P2RX4: variants seen among roughly 807,000 people sequenced by gnomAD.
P2RX4 encodes the protein purinergic receptor P2X 4, also known as P2X purinoceptor 4.
A neutral mutation model predicts 48.0 loss-of-function variants in P2RX4; 37 were observed. The ratio of observed to expected loss-of-function variants is 0.77; its 90% CI spans 0.59 to 1.01. The LOEUF (loss-of-function observed/expected upper bound fraction) is 1.01, where lower values mean the gene tolerates loss of function less well. Among genes scored for constraint, P2RX4 ranks in the 50% least tolerant of loss-of-function variants. The pLI, the probability that P2RX4 is intolerant of heterozygous loss-of-function variation, is 0.00. For missense variants in P2RX4, 501 were observed against 521.4 expected, an observed-to-expected ratio of 0.96 and a Z score of 0.38; for synonymous variants, 200 against 199.7, an observed-to-expected ratio of 1.00 and a Z score of -0.01.
rs1218590202 is a variant in P2RX4 at position 121,233,768 on chromosome 12, A to G, written c.*219A>G. ...CAGCAGTCTGTTCTTGGCTGGGTCA[A>G]CTCTGCTTTTCCCGCAACCTGGGGT... On this transcript the variant is annotated 3_prime_UTR_variant, in exon 12 of 12. Coordinates refer to ENST00000337233, the MANE Select transcript of P2RX4 (RefSeq NM_002560.3). The G allele has an allele frequency of 2.6e-6, 3 of 1,167,188 alleles. No individual in the cohort carries two copies. Among genetic ancestry groups the G allele is most frequent in the Admixed American group, 2.8e-5 (1 of 35,988 alleles). 72.3% of individuals were successfully genotyped at this position (1,167,188 alleles called of 1,614,324 possible).
Position 121,232,892 on chromosome 12 carries a change from A to G in P2RX4, c.1045-105A>G. On this transcript the variant is annotated intron_variant, in intron 10 of 11. Transcript: ENST00000337233. This position sits in a 1 kb window ranked among gnomAD's most constrained non-coding sequence, Gnocchi z 4.3. Reference sequence around the variant, plus strand: ...TCCCAAGAGATGGGAGTGCCTTTCCATTCCGGTAAAGATTCCAGGCTTCTC... The same window carrying G: ...TCCCAAGAGATGGGAGTGCCTTTCCGTTCCGGTAAAGATTCCAGGCTTCTC... 1 of 937,348 alleles carries G rather than the reference A, an allele frequency of 1.1e-6. No homozygotes were observed. Among genetic ancestry groups the G allele is most frequent in the Non-Finnish European group, 1.8e-6 (1 of 569,916 alleles). The allele number at this position is 937,348 out of a possible 1,614,324, so 58.1% of individuals were successfully genotyped here.
At chr12:121,219,445 G>A (rs1474260340) in intron 2 of P2RX4, among the ~76,000 whole-genome samples, 1 of 151,954 alleles carries the variant, frequency 6.6e-6, no homozygotes, top group Non-Finnish European at 1.5e-5. Flanking sequence ...AAATGCCTGG[G>A]CCCAGCCAGG....
intron 11 of P2RX4, 51 bp from the exon 12 acceptor site, chr12:121,233,472 G>A (rs779215263): frequency 7.2e-5 from 114 of 1,582,554 alleles, no homozygotes; most frequent in Non-Finnish European, 9.7e-5. Flanking sequence ...CCTCCCGCCT[G>A]CCACAAGGGG....
At chr12:121,216,894 T>G in intron 1 of P2RX4, 1 of 701,352 alleles carries the variant, frequency 1.4e-6, no homozygotes, top group Non-Finnish European at 2.6e-6. Context: ...GTGCCATCAG[T>G]GTGCTGAGTG....
chr12:121,231,951 G>A (rs2136247937), intron 8 of P2RX4, among the ~76,000 whole-genome samples: 1 of 137,624 alleles, frequency 7.3e-6, no homozygotes, highest in Non-Finnish European at 1.5e-5. Flanking sequence ...GTTGCAGTGA[G>A]CCAAGATTGG....
At chr12:121,225,112 G>A (rs1445311649) in intron 5 of P2RX4, among the ~76,000 whole-genome samples, 3 of 145,548 alleles carry the variant, frequency 2.1e-5, no homozygotes, top group South Asian at 2.2e-4. Flanking sequence ...TCGCTCTGTC[G>A]CCCAGGCTGG....
chr12:121,221,149 C>CGT (rs1379314722), intron 2 of P2RX4, among the ~76,000 whole-genome samples: 12 of 125,184 alleles, frequency 9.6e-5, no homozygotes, highest in East Asian at 2.3e-4. Context: ...TTTGTGTGTG[C>CGT]GTGTGTCTGT....
chr12:121,222,706 C>T, intron 4 of P2RX4: 2 of 1,457,426 alleles, frequency 1.4e-6, no homozygotes, highest in Non-Finnish European at 1.8e-6. Flanking sequence ...CCCACTGTGC[C>T]TGGCCTCTTG....
chr12:121,229,582 G>A lies in P2RX4; in HGVS notation c.884+483G>A, dbSNP rs935479359. Among the ~76,000 whole-genome samples, 5 of 152,188 alleles carry A rather than the reference G, an allele frequency of 3.3e-5. No individual in the cohort carries two copies. Among genetic ancestry groups the A allele is most frequent in the African/African-American group, 1.2e-4 (5 of 41,458 alleles). On this transcript the variant is annotated intron_variant, in intron 8 of 11. Coordinates refer to ENST00000337233, the MANE Select transcript of P2RX4 (RefSeq NM_002560.3). This position sits in a 1 kb window ranked among gnomAD's most constrained non-coding sequence, Gnocchi z 4.6. ...CCTTGCTGGGTTCCCTGCTGCAAAT[G>A]CTGGCATCTCGGTGTCCTGGGGCAG...
intron 5 of P2RX4, among the ~76,000 whole-genome samples, chr12:121,226,275 G>A (rs982176060): frequency 6.6e-6 from 1 of 152,132 alleles, no homozygotes; most frequent in African/African-American, 2.4e-5. Flanking sequence ...CAGGCACAGT[G>A]GCTCATGCCT....
chr12:121,216,733 T>C lies in P2RX4; in HGVS notation c.135-401T>C, dbSNP rs987295364. ...TACTTGGGAAGCTGAGGCAGGAGAA[T>C]TGCCTGAACCCGGGAGGCGGAGGTT... On this transcript the variant is annotated intron_variant, in intron 1 of 11. Transcript: ENST00000337233. The C allele has an allele frequency of 1.0e-5, 5 of 477,042 alleles. No homozygotes were observed. In the Admixed American group the frequency reaches 1.4e-4, roughly 13 times the overall value. 29.6% of individuals were successfully genotyped at this position (477,042 alleles called of 1,614,324 possible). A position where few individuals can be genotyped will look rare whatever the true frequency, so the allele number is the denominator to read the frequency against.
chr12:121,218,076 G>A (rs1555235513), intron 2 of P2RX4, among the ~76,000 whole-genome samples: 1 of 152,152 alleles, frequency 6.6e-6, no homozygotes, highest in Non-Finnish European at 1.5e-5. Context: ...CAGAGCTCTT[G>A]CCAGGGAAAA....
intron 1 of P2RX4, chr12:121,212,845 A>T (rs1885979410): frequency 6.2e-5 from 2 of 32,286 alleles, no homozygotes; most frequent in African/African-American, 2.7e-4. Context: ...TTTTTTGGAG[A>T]CTCACTGCTA....
chr12:121,222,151 G>C lies in P2RX4; in HGVS notation c.412G>C (p.Gly138Arg), dbSNP rs754264109. 1 of 1,611,190 alleles carries C rather than the reference G, an allele frequency of 6.2e-7. No individual in the cohort carries two copies. The stretch of plus-strand genomic sequence containing the variant: ...TGCCAGCTGTACTGCCGGCTCTGCC[G>C]GCACCCACAGCAACGGTACGAGCTT... ...SDASCTAGSA[G>R]THSNGVSTGR... The change falls in exon 4 of 12, where the codon GGC becomes CGC. Residue 138 changes from glycine (G) to arginine (R), a missense_variant. By Grantham distance (125) the Gly-to-Arg change is moderately radical. Coordinates refer to ENST00000337233, the MANE Select transcript of P2RX4 (RefSeq NM_002560.3).
intron 8 of P2RX4, among the ~76,000 whole-genome samples, chr12:121,230,982 AT>A (rs1306580537): frequency 0.028 from 3,169 of 113,228 alleles, 61 homozygotes; most frequent in African/African-American, 0.052. Flanking sequence ...ATATATATAT[AT>A]TTTTTTTTTT....
At chr12:121,212,805 T>C (rs1478744811) in intron 1 of P2RX4, 10 of 32,034 alleles carry the variant, frequency 3.1e-4, no homozygotes, top group Admixed American at 2.9e-3. Flanking sequence ...TATATATATA[T>C]ATATATATAT....
In P2RX4 at chr12:121,232,154, G is replaced by A. The variant is rs1383870288; in HGVS notation, c.885-260G>A. On this transcript the variant is annotated intron_variant, in intron 8 of 11. Coordinates refer to ENST00000337233, the MANE Select transcript of P2RX4 (RefSeq NM_002560.3). This position sits in a 1 kb window ranked among gnomAD's most constrained non-coding sequence, Gnocchi z 4.3. ...GCAGGCAGGATGTACCAGGTGGGAT[G>A]TTGAGAGCAAACTGTTCAGGTTCAG... is the stretch of plus-strand genomic sequence containing the variant. Among the ~76,000 whole-genome samples, 1 of 152,128 alleles carries A rather than the reference G, an allele frequency of 6.6e-6. No individual in the cohort carries two copies. The highest frequency in any genetic ancestry group is 2.4e-5 in the African/African-American group (1 of 41,422).
chr12:121,215,603 T>C (rs1246158907), intron 1 of P2RX4: 5 of 152,250 alleles, frequency 3.3e-5, no homozygotes, highest in South Asian at 4.1e-4. Flanking sequence ...AGCACAGCTC[T>C]GTAGGATTCC....
At chr12:121,223,693 C>T (rs1298126091) in intron 5 of P2RX4, among the ~76,000 whole-genome samples, 1 of 152,212 alleles carries the variant, frequency 6.6e-6, no homozygotes, top group Non-Finnish European at 1.5e-5. Context: ...CACATACACA[C>T]ATACACATGC....
Sources: allele counts gnomAD v4.1 joint callset (sites outside exome capture counted in the v4.1 genomes callset), GRCh38; gene constraint gnomAD v4.1.1; non-coding constraint Gnocchi (gnomAD v3.1); transcripts MANE v1.5; gene names NCBI Gene and HGNC (gene_info 2026-07-23, HGNC 2026-07-21).